WDR90: variants seen among roughly 807,000 people sequenced by gnomAD.
WDR90 encodes the protein WD repeat domain 90.
WDR90 carries 238 observed loss-of-function variants against 195.2 expected under a neutral mutation model. The observed-to-expected ratio is 1.22, with a 90% CI of 1.10 to 1.36. WDR90 has a LOEUF of 1.36. Ranked by LOEUF, WDR90 falls within the 40% of genes most tolerant of loss-of-function variation. The pLI, the probability that WDR90 is intolerant of heterozygous loss-of-function variation, is 0.00. For missense variants in WDR90, 2,734 were observed against 2,439.5 expected, an observed-to-expected ratio of 1.12 and a Z score of -2.54; for synonymous variants, 1,265 against 1,052.4, an observed-to-expected ratio of 1.20 and a Z score of -3.91.
chr16:652,841 G>C (rs546574003), intron 10 of WDR90, among the ~76,000 whole-genome samples: 42 of 152,286 alleles, frequency 2.8e-4, no homozygotes, highest in African/African-American at 9.1e-4. Flanking sequence ...TTAGAGCTCT[G>C]ATGATCCAGA....
upstream of WDR90, chr16:649,091 G>A: frequency 3.2e-6 from 1 of 315,790 alleles, no homozygotes; most frequent in Non-Finnish European, 5.8e-6. Context: ...TGCGGCGGGA[G>A]CCCCGGCCGG....
chr16:655,593 G>A lies in WDR90; in HGVS notation c.1739G>A (p.Gly580Asp). The change falls in exon 16 of 41, where the codon GGC becomes GAC. Residue 580 changes from glycine to aspartate, a missense_variant. Coordinates refer to ENST00000293879, the MANE Select transcript of WDR90 (RefSeq NM_145294.5). ...AAMLFVCSRSGHILEIDCQRM... is the reference protein window; with the variant it reads ...AAMLFVCSRSDHILEIDCQRM... ...GGCAGCTTCGTGTGCAGCCGCAGTG[G>A]CCACATCTTGGAGATTGACTGTCAG... is the stretch of plus-strand genomic sequence containing the variant. 1 of 1,603,250 alleles carries A rather than the reference G, an allele frequency of 6.2e-7. No individual in the cohort carries two copies. The highest frequency in any genetic ancestry group is 8.5e-7 in the Non-Finnish European group (1 of 1,173,742).
chr16:656,334 A>T lies in WDR90; in HGVS notation c.1999A>T (p.Ser667Cys). 3.1e-6 allele frequency: 5 copies of T among 1,609,468 alleles called. No individual in the cohort carries two copies. The highest frequency in any genetic ancestry group is 4.2e-6 in the Non-Finnish European group (5 of 1,179,646). ...HEGPVSSVCV[S>C]PDGLRVLSAT... ...GGGCCCCGTCAGCTCAGTCTGTGTC[A>T]GCCCCGATGGCCTCCGTGTGCTGTC... is the stretch of plus-strand genomic sequence containing the variant. The change falls in exon 18 of 41, where the codon AGC (serine) becomes TGC (cysteine). Residue 667 changes from serine (S) to cysteine (C), a missense_variant. Coordinates refer to ENST00000293879, the MANE Select transcript of WDR90 (RefSeq NM_145294.5).
At chr16:666,418 G>C (rs749694940) in intron 37 of WDR90, 37 bp from the exon 38 acceptor site, 20 of 1,608,700 alleles carry the variant, frequency 1.2e-5, no homozygotes, top group Non-Finnish European at 1.5e-5. Flanking sequence ...CATCTTGGCA[G>C]AAGGCACCTG....
rs756741480 is a variant in WDR90 at position 661,535 on chromosome 16, C to T, written c.3673+34C>T. 1.4e-5 allele frequency: 22 copies of T among 1,542,354 alleles called. No individual in the cohort carries two copies. In the South Asian group the frequency reaches 2.5e-4, roughly 18 times the overall value. ...GAGGGAGGGTGGAGGCCAGGGGCTT[C>T]CCTAGACCCCGGGGGGGGCTGCATC... On this transcript the variant is annotated intron_variant, in intron 30 of 40. Coordinates refer to ENST00000293879, the MANE Select transcript of WDR90 (RefSeq NM_145294.5).
At position 661,755 on chromosome 16, in the gene WDR90, C is replaced by T. The variant is rs1339691367; in HGVS notation, c.3832C>T (p.Leu1278Phe). ...VGQGTVTFWLLQQRGADISLQ... is the reference protein window; with the variant it reads ...VGQGTVTFWLFQQRGADISLQ... ...CCAGGGCACTGTCACCTTCTGGCTC[C>T]TTCAGCAGCGTGGGGCAGACATCAG... The change falls in exon 31 of 41, where the codon CTT becomes TTT. Residue 1278 changes from leucine (L) to phenylalanine (F), a missense_variant. Transcript: ENST00000293879. 6.2e-7 allele frequency: 1 copy of T among 1,608,750 alleles called. No homozygotes were observed. The highest frequency in any genetic ancestry group is 1.7e-5 in the Admixed American group (1 of 59,418).
Position 650,571 on chromosome 16 carries a change from T to C in WDR90, c.421T>C (p.Trp141Arg), listed in dbSNP as rs774669690. Residue 141 changes from tryptophan (W) to arginine (R), a missense_variant, in exon 5 of 41, where the codon TGG becomes CGG. By Grantham distance (101) the Trp-to-Arg change is moderately radical. Coordinates refer to ENST00000293879, the MANE Select transcript of WDR90 (RefSeq NM_145294.5). Reference sequence around the variant, plus strand: ...GGGTTTGGCCCCCTCCGGAGCCCGCTGGACCTGCCTGCAGCTCGATCTGCA... The same window carrying C: ...GGGTTTGGCCCCCTCCGGAGCCCGCCGGACCTGCCTGCAGCTCGATCTGCA... ...LVGLAPSGAR[W>R]TCLQLDLQDV... 5.6e-6 allele frequency: 9 copies of C among 1,612,096 alleles called. No homozygotes were observed. The South Asian group carries it at 6.6e-5, about 12-fold the overall frequency.
chr16:659,502 G>C (rs1348416104), intron 26 of WDR90, 126 bp downstream of exon 26: 1 of 1,295,516 alleles, frequency 7.7e-7, no homozygotes, highest in Non-Finnish European at 1.1e-6. Flanking sequence ...TCATCAGGTG[G>C]AACACAGTGG....
At position 657,846 on chromosome 16, in the gene WDR90, C is replaced by G; in HGVS notation, c.2558C>G (p.Pro853Arg). The G allele has an allele frequency of 6.3e-7, 1 of 1,588,228 alleles. No individual in the cohort carries two copies. Among genetic ancestry groups the G allele is most frequent in the Non-Finnish European group, 8.6e-7 (1 of 1,167,996 alleles). Reference sequence around the variant, plus strand: ...GGCCGCCTGCTGGCCTTTGTGGGACCCTCCAGGTGCACAGTGACAGTCATG... The same window carrying G: ...GGCCGCCTGCTGGCCTTTGTGGGACGCTCCAGGTGCACAGTGACAGTCATG... ...RDGRLLAFVGPSRCTVTVMGS... is the reference protein window; with the variant it reads ...RDGRLLAFVGRSRCTVTVMGS... Residue 853 changes from proline to arginine, a missense_variant, in exon 21 of 41, where the codon CCC becomes CGC. Pro to Arg is a moderately radical substitution (Grantham distance 103). Coordinates refer to ENST00000293879, the MANE Select transcript of WDR90 (RefSeq NM_145294.5).
At position 652,516 on chromosome 16, in the gene WDR90, G is replaced by A. The variant is rs779122235; in HGVS notation, c.1103G>A (p.Gly368Glu). 2 of 1,610,264 alleles carry A rather than the reference G, an allele frequency of 1.2e-6. No homozygotes were observed. The highest frequency in any genetic ancestry group is 1.7e-5 in the Admixed American group (1 of 59,612). Residue 368 changes from glycine to glutamate, a missense_variant, in exon 10 of 41, where the codon GGG becomes GAG. By Grantham distance (98) the Gly-to-Glu change is moderately conservative. Coordinates refer to ENST00000293879, the MANE Select transcript of WDR90 (RefSeq NM_145294.5). ...AGGCTCAAGGGCGTCATCGGCTTTG[G>A]GGGCCACGGCACCAGACAGGTGAGG... ...VLRLKGVIGF[G>E]GHGTRQALWT... is the part of the protein sequence containing the mutation.
chr16:649,621 G>A (rs2037597173), intron 1 of WDR90, 142 bp from the exon 2 acceptor site: 2 of 1,151,792 alleles, frequency 1.7e-6, no homozygotes, highest in Non-Finnish European at 2.3e-6. Context: ...GCCTCGTCCC[G>A]CCAGCCTAGC....
chr16:653,283 G>T, intron 10 of WDR90, 58 bp from the exon 11 acceptor site: 2 of 1,389,684 alleles, frequency 1.4e-6, no homozygotes, highest in African/African-American at 2.9e-5. Context: ...TGACCTCCCG[G>T]CAGCCAGGAG....
Position 658,539 on chromosome 16 carries a change from C to A in WDR90, c.2781C>A (p.His927Gln). The change falls in exon 23 of 41, where the codon CAC becomes CAA. Residue 927 changes from histidine to glutamine, a missense_variant. Physicochemically the swap from His to Gln is conservative, Grantham distance 24 (BLOSUM62 0). Transcript: ENST00000293879. ...GRIIRELPGV[H>Q]PEPCPSLTLS... is the part of the protein sequence containing the mutation. ...CTGTGTTCCAGCTGCCCGGTGTCCA[C>A]CCTGAGCCCTGCCCCTCCTTGACGC... 6.2e-7 allele frequency: 1 copy of A among 1,612,180 alleles called. No individual in the cohort carries two copies. Among genetic ancestry groups the A allele is most frequent in the South Asian group, 1.1e-5 (1 of 91,038 alleles).
rs576587595 is a variant in WDR90 at position 659,211 on chromosome 16, C to T, written c.3053-34C>T. 3.1e-6 allele frequency: 5 copies of T among 1,610,634 alleles called. No homozygotes were observed. In the Admixed American group the frequency reaches 6.7e-5, roughly 21 times the overall value. On this transcript the variant is annotated intron_variant, in intron 25 of 40. Coordinates refer to ENST00000293879, the MANE Select transcript of WDR90 (RefSeq NM_145294.5). ...GTCTGCCTAGTGGCCCTTCCTCTTCCTTCCCAAACATCACAGGGCTGCTTC... is the reference window on the plus strand; with the variant it reads ...GTCTGCCTAGTGGCCCTTCCTCTTCTTTCCCAAACATCACAGGGCTGCTTC...
chr16:659,488 C>A, intron 26 of WDR90, 112 bp downstream of exon 26: 1 of 1,407,366 alleles, frequency 7.1e-7, no homozygotes, highest in Non-Finnish European at 9.7e-7. Flanking sequence ...GGTGCCATCG[C>A]TGCTCATCAG....
chr16:651,310 G>A (rs1339834806), intron 7 of WDR90, 44 bp downstream of exon 7: 3 of 1,602,558 alleles, frequency 1.9e-6, no homozygotes, highest in Admixed American at 3.4e-5. Context: ...AGGCCTGTAG[G>A]GTGCGTGGGG....
rs370700292 is a variant in WDR90, at chr16:666,714, T to C, written c.4926T>C (p.Pro1642=). 6.2e-7 allele frequency: 1 copy of C among 1,612,770 alleles called. No individual in the cohort carries two copies. The highest frequency in any genetic ancestry group is 1.1e-5 in the South Asian group (1 of 91,082). ...HLPPSLAAFC[P]WDGALLMYVG... ...CACCCTCCCTCGCTGCCTTCTGCCC[T>C]TGGGATGGGGCGCTCCTGATGTACG... The change falls in exon 39 of 41, where the codon CCT becomes CCC. Residue 1642 remains proline, a synonymous_variant. Coordinates refer to ENST00000293879, the MANE Select transcript of WDR90 (RefSeq NM_145294.5).
intron 5 of WDR90, 47 bp downstream of exon 5, chr16:650,756 T>C: frequency 6.3e-7 from 1 of 1,588,728 alleles, no homozygotes; most frequent in East Asian, 2.3e-5. Flanking sequence ...ACCCATGCTC[T>C]CAGCCCTGGA....
At chr16:652,215 A>G (rs891435460) in intron 9 of WDR90, 176 bp downstream of exon 9, 2 of 875,492 alleles carry the variant, frequency 2.3e-6, no homozygotes, top group African/African-American at 3.4e-5. Flanking sequence ...TCTGTCCACA[A>G]AGAGTAAGGC....
Sources: gnomAD v4.1 joint callset for allele counts (sites outside exome capture counted in the v4.1 genomes callset) on GRCh38, gnomAD v4.1.1 for gene constraint, MANE v1.5 for transcripts, NCBI Gene and HGNC (gene_info 2026-07-23, HGNC 2026-07-21) for gene names.